The following FILIP1 variants were observed in gnomAD, a reference collection of about 807,000 sequenced individuals.
The protein encoded by FILIP1 is filamin-A-interacting protein 1.
A neutral mutation model predicts 102.1 loss-of-function variants in FILIP1; 61 were observed. The observed-to-expected ratio is 0.60, with a 90% CI of 0.49 to 0.74. The LOEUF (loss-of-function observed/expected upper bound fraction) is 0.74. Ranked by LOEUF, FILIP1 falls within the 30% of genes least tolerant of loss-of-function variation. The pLI is 0.00. For missense variants in FILIP1, 1,314 were observed against 1,441.2 expected (o/e 0.91, Z 1.43); for synonymous variants, 491 against 526.9 (o/e 0.93, Z 0.93).
At chr6:75,308,992 C>A in intron 5 of FILIP1, 95 bp from the exon 6 acceptor site, 1 of 1,316,052 alleles carries the variant, frequency 7.6e-7, no homozygotes. Flanking sequence ...TCTTGCCACA[C>A]AGGAACACCC....
intron 4 of FILIP1, chr6:75,319,431 T>C: frequency 3.2e-6 from 2 of 619,926 alleles, no homozygotes; most frequent in East Asian, 4.0e-5. Flanking sequence ...AGGAGGGCTA[T>C]AGATTTCATT....
intron 1 of FILIP1, among the ~76,000 whole-genome samples, chr6:75,490,736 C>T (rs922344096): frequency 2.6e-5 from 4 of 151,850 alleles, no homozygotes; most frequent in Admixed American, 2.0e-4. Flanking sequence ...CTGAGAGATA[C>T]AACATCATTT....
At chr6:75,324,553 T>C (rs1466260676) in intron 4 of FILIP1, among the ~76,000 whole-genome samples, 1 of 152,118 alleles carries the variant, frequency 6.6e-6, no homozygotes, top group Non-Finnish European at 1.5e-5. Flanking sequence ...CCCATCAAAA[T>C]GTCATCATCA....
chr6:75,384,996 C>T (rs371278490), intron 2 of FILIP1: 30 of 132,798 alleles, frequency 2.3e-4, no homozygotes, highest in African/African-American at 8.2e-4. Flanking sequence ...GACAAGGTTT[C>T]GCCATGTTTT....
intron 1 of FILIP1, among the ~76,000 whole-genome samples, chr6:75,453,788 G>T (rs540110055): frequency 6.6e-6 from 1 of 152,186 alleles, no homozygotes; most frequent in African/African-American, 2.4e-5. Flanking sequence ...CTCTGGCCAG[G>T]GTGAAAGGGA....
chr6:75,319,362 G>T, intron 4 of FILIP1: 1 of 630,120 alleles, frequency 1.6e-6, no homozygotes, highest in Admixed American at 2.0e-5. Context: ...CATGAAAAAG[G>T]CCGAAGGAGA....
At chr6:75,493,038 A>G (rs1383626358) in intron 1 of FILIP1, among the ~76,000 whole-genome samples, 1 of 152,220 alleles carries the variant, frequency 6.6e-6, no homozygotes, top group Non-Finnish European at 1.5e-5. Flanking sequence ...TCAGTAAATG[A>G]AAGTTATTTT....
intron 2 of FILIP1, among the ~76,000 whole-genome samples, chr6:75,372,786 GAAAGAAAGAAGGAAA>G (rs1562516172): frequency 1.2e-5 from 1 of 82,672 alleles, no homozygotes; most frequent in East Asian, 3.0e-4. Flanking sequence ...AAGAAAGAAA[GAAAGAAAGAAGGAAA>G]GAAAGAAAGA....
intron 4 of FILIP1, among the ~76,000 whole-genome samples, chr6:75,348,373 T>C (rs1440065378): frequency 6.6e-6 from 1 of 152,176 alleles, no homozygotes; most frequent in Non-Finnish European, 1.5e-5. Context: ...CAATAAAAAA[T>C]ATTTTTGTCT....
At chr6:75,439,598 G>C (rs1318306571) in intron 1 of FILIP1, among the ~76,000 whole-genome samples, 1 of 152,206 alleles carries the variant, frequency 6.6e-6, no homozygotes, top group East Asian at 1.9e-4. Context: ...CTCAGGTTTG[G>C]AAAGATTTAG....
intron 4 of FILIP1, among the ~76,000 whole-genome samples, chr6:75,340,939 A>G (rs1774402206): frequency 6.8e-6 from 1 of 146,142 alleles, no homozygotes; most frequent in Non-Finnish European, 1.5e-5. Flanking sequence ...CCTGACCTCA[A>G]GTGATCCATC....
chr6:75,442,741 G>A (rs1034124475), intron 1 of FILIP1, among the ~76,000 whole-genome samples: 4 of 152,108 alleles, frequency 2.6e-5, no homozygotes, highest in East Asian at 3.9e-4. Context: ...GAGGGAGACC[G>A]TGGGGAGAGG....
At position 75,313,259 on chromosome 6, in the gene FILIP1, G is replaced by A. The variant is rs1412814835; in HGVS notation, c.2573C>T (p.Pro858Leu). ...ERSSVLDRYP[P>L]AANELTMRKS... ...TCTCATAGTGAGCTCATTTGCTGCTGGAGGATACCTGTCTAGAACAGAAGA... is the reference window on the plus strand; with the variant it reads ...TCTCATAGTGAGCTCATTTGCTGCTAGAGGATACCTGTCTAGAACAGAAGA... Residue 858 changes from proline (P) to leucine (L), a missense_variant, in exon 5 of 6, where the codon CCA becomes CTA. Transcript: ENST00000237172. The surrounding 1 kb of genome is among the most constrained non-coding windows in gnomAD (Gnocchi z 4.2). 1.9e-6 allele frequency: 3 copies of A among 1,614,204 alleles called. 1 individual carries two copies. Among genetic ancestry groups the A allele is most frequent in the South Asian group, 2.2e-5 (2 of 91,080 alleles).
chr6:75,351,990 T>C (rs2149600375), intron 4 of FILIP1, among the ~76,000 whole-genome samples: 1 of 152,274 alleles, frequency 6.6e-6, no homozygotes, highest in East Asian at 1.9e-4. Context: ...AAGACAAACA[T>C]AAAAAACCAT....
At chr6:75,409,084 C>T (rs765810097) in intron 2 of FILIP1, among the ~76,000 whole-genome samples, 1 of 152,176 alleles carries the variant, frequency 6.6e-6, no homozygotes, top group Non-Finnish European at 1.5e-5. Flanking sequence ...TAGCTTCAGC[C>T]TGTGAGTTTA....
At chr6:75,380,194 G>C (rs1429438282) in intron 2 of FILIP1, among the ~76,000 whole-genome samples, 1 of 107,814 alleles carries the variant, frequency 9.3e-6, no homozygotes, top group African/African-American at 4.2e-5. Flanking sequence ...AACAATCATA[G>C]CCAATTAAAA....
intron 1 of FILIP1, among the ~76,000 whole-genome samples, chr6:75,461,424 C>T (rs1049220002): frequency 1.5e-4 from 23 of 152,190 alleles, no homozygotes; most frequent in African/African-American, 5.5e-4. Flanking sequence ...TTTGCCTAAA[C>T]TTATGTTCAC....
At chr6:75,487,535 C>T (rs187119080) in intron 1 of FILIP1, among the ~76,000 whole-genome samples, 3 of 151,796 alleles carry the variant, frequency 2.0e-5, no homozygotes, top group East Asian at 3.9e-4. Flanking sequence ...ATTGTGTCAT[C>T]TATGACTTGT....
chr6:75,308,325 A>T lies in FILIP1; in HGVS notation c.*366T>A. On this transcript the variant is annotated 3_prime_UTR_variant, in exon 6 of 6. Coordinates refer to ENST00000237172, the MANE Select transcript of FILIP1 (RefSeq NM_015687.5). ...AATTATTGTGGAACAAGGTACATTA[A>T]ATTTGGCTTGCAATTAGGAAATATG... 1 of 1,012,244 alleles carries T rather than the reference A, an allele frequency of 9.9e-7. No homozygotes were observed. The allele number at this position is 1,012,244 out of a possible 1,614,324, so 62.7% of individuals were successfully genotyped here.
Sources: gnomAD v4.1 joint callset for allele counts (sites outside exome capture counted in the v4.1 genomes callset) on GRCh38, gnomAD v4.1.1 for gene constraint, Gnocchi (gnomAD v3.1) non-coding constraint, MANE v1.5 for transcripts, NCBI Gene and HGNC (gene_info 2026-07-23, HGNC 2026-07-21) for gene names.